ADGRV1: variants seen among roughly 807,000 people sequenced by gnomAD.
ADGRV1 encodes G-protein coupled receptor 98.
Under a neutral mutation model 596.2 loss-of-function variants are expected in ADGRV1, and 359 were observed. The observed-to-expected ratio is 0.60, with a 90% CI of 0.55 to 0.66. ADGRV1 has a LOEUF of 0.66. Among genes scored for constraint, ADGRV1 ranks in the 30% least tolerant of loss-of-function variants. The pLI, the probability that ADGRV1 is intolerant of heterozygous loss-of-function variation, is 0.00. For missense variants in ADGRV1, 7,274 were observed against 7,575.6 expected (o/e 0.96, Z 1.48); for synonymous variants, 2,681 against 2,679.2 (o/e 1.00, Z -0.02).
chr5:90,823,411 T>G lies in ADGRV1; in HGVS notation c.16197-14T>G. On this transcript the variant is annotated splice_polypyrimidine_tract_variant and intron_variant, in intron 75 of 89. Transcript: ENST00000405460. ...CACCCTCTGTTAAGGCATTGGTGGG[T>G]TTCTTGCTCACAGGGCCTTTGAAGA... 1 of 1,612,586 alleles carries G rather than the reference T, an allele frequency of 6.2e-7. No individual in the cohort carries two copies. Among genetic ancestry groups the G allele is most frequent in the Non-Finnish European group, 8.5e-7 (1 of 1,179,494 alleles).
intron 85 of ADGRV1, among the ~76,000 whole-genome samples, chr5:91,062,011 C>T (rs989175249): frequency 4.6e-5 from 7 of 152,212 alleles, no homozygotes; most frequent in East Asian, 1.9e-4. Context: ...CAGGCATTCC[C>T]GTGGATATTC....
chr5:90,750,905 T>C (rs1053856036), intron 53 of ADGRV1, among the ~76,000 whole-genome samples: 3 of 152,198 alleles, frequency 2.0e-5, no homozygotes, highest in African/African-American at 7.2e-5. Flanking sequence ...AAACCAAAAT[T>C]GTCCTTTAAA....
At chr5:91,017,028 G>A (rs748367513) in intron 85 of ADGRV1, among the ~76,000 whole-genome samples, 47 of 151,890 alleles carry the variant, frequency 3.1e-4, no homozygotes, top group Non-Finnish European at 6.5e-4. Context: ...TGAAATCATT[G>A]TTCCATTGCA....
At chr5:90,959,658 A>G (rs1200107726) in intron 83 of ADGRV1, among the ~76,000 whole-genome samples, 1 of 151,668 alleles carries the variant, frequency 6.6e-6, no homozygotes, top group Non-Finnish European at 1.5e-5. Flanking sequence ...TCCCACATAT[A>G]TAGGCAAGTA....
chr5:90,748,798 T>A (rs1290501228), intron 52 of ADGRV1, among the ~76,000 whole-genome samples: 1 of 149,506 alleles, frequency 6.7e-6, no homozygotes, highest in Admixed American at 6.9e-5. Context: ...AATTGCCTAG[T>A]TTGTCTATCA....
intron 77 of ADGRV1, among the ~76,000 whole-genome samples, chr5:90,831,578 T>C (rs569800145): frequency 6.6e-6 from 1 of 152,262 alleles, no homozygotes; most frequent in African/African-American, 2.4e-5. Flanking sequence ...AATTCAATTA[T>C]ACTTTTTTAG....
At chr5:90,742,181 T>A (rs1175607873) in intron 50 of ADGRV1, among the ~76,000 whole-genome samples, 1 of 152,220 alleles carries the variant, frequency 6.6e-6, no homozygotes, top group Non-Finnish European at 1.5e-5. Context: ...AGAGAGATAT[T>A]ATGTATAATC....
chr5:91,033,014 C>A (rs1391372970), intron 85 of ADGRV1, among the ~76,000 whole-genome samples: 2 of 151,952 alleles, frequency 1.3e-5, no homozygotes, highest in Non-Finnish European at 2.9e-5. Flanking sequence ...AATCTAGAGC[C>A]CTGTTAGTTA....
chr5:91,042,225 A>T (rs1785421894), intron 85 of ADGRV1, among the ~76,000 whole-genome samples: 2 of 152,210 alleles, frequency 1.3e-5, no homozygotes, highest in African/African-American at 4.8e-5. Context: ...AATTATCTTT[A>T]TCTTAAATAA....
chr5:90,649,622 G>T (rs1340361185), intron 17 of ADGRV1, among the ~76,000 whole-genome samples: 3 of 152,080 alleles, frequency 2.0e-5, no homozygotes, highest in Non-Finnish European at 1.5e-5. Context: ...CTGAGTAGTT[G>T]GGACTACAGG....
At chr5:90,619,886 A>T (rs565578044) in intron 4 of ADGRV1, among the ~76,000 whole-genome samples, 2 of 151,830 alleles carry the variant, frequency 1.3e-5, no homozygotes, top group Non-Finnish European at 1.5e-5. Context: ...TTTGCTGAGA[A>T]TGATGGTTTC....
chr5:90,825,484 A>G (rs1417110406), intron 76 of ADGRV1, among the ~76,000 whole-genome samples: 1 of 152,232 alleles, frequency 6.6e-6, no homozygotes, highest in Non-Finnish European at 1.5e-5. Context: ...TTTTGCATAC[A>G]TGATTACTAA....
chr5:91,051,074 A>G (rs1178366245), intron 85 of ADGRV1, among the ~76,000 whole-genome samples: 3 of 152,216 alleles, frequency 2.0e-5, no homozygotes, highest in African/African-American at 4.8e-5. Flanking sequence ...TGAAGATTAA[A>G]CTAAAGATTG....
At chr5:90,649,316 A>G (rs990456100) in intron 17 of ADGRV1, among the ~76,000 whole-genome samples, 4 of 151,928 alleles carry the variant, frequency 2.6e-5, no homozygotes, top group Admixed American at 1.3e-4. Flanking sequence ...GAATTTATTT[A>G]CTCTAGAAAT....
At chr5:90,595,120 C>G (rs1160143221) in intron 1 of ADGRV1, among the ~76,000 whole-genome samples, 1 of 130,306 alleles carries the variant, frequency 7.7e-6, no homozygotes, top group Non-Finnish European at 1.6e-5. Flanking sequence ...GGGGCTGACC[C>G]CCCCACCTCC....
At chr5:91,041,874 A>G (rs1364283445) in intron 85 of ADGRV1, among the ~76,000 whole-genome samples, 1 of 152,146 alleles carries the variant, frequency 6.6e-6, no homozygotes, top group Non-Finnish European at 1.5e-5. Flanking sequence ...CAAACTCAAC[A>G]CAGACATTAA....
At chr5:90,665,873 C>G (rs1327373154) in intron 21 of ADGRV1, among the ~76,000 whole-genome samples, 2 of 150,104 alleles carry the variant, frequency 1.3e-5, no homozygotes, top group African/African-American at 4.9e-5. Context: ...CGTTATGTAT[C>G]CAGTAGTCAT....
At chr5:91,141,456 CACTT>C (rs1438107505) in intron 87 of ADGRV1, among the ~76,000 whole-genome samples, 1 of 152,172 alleles carries the variant, frequency 6.6e-6, no homozygotes, top group Non-Finnish European at 1.5e-5. Context: ...AAGATGAACT[CACTT>C]GTTTCCTTTT....
chr5:91,085,108 T>A (rs1486526757), intron 86 of ADGRV1, among the ~76,000 whole-genome samples: 1 of 152,144 alleles, frequency 6.6e-6, no homozygotes, highest in Non-Finnish European at 1.5e-5. Flanking sequence ...AAGGATAGCA[T>A]TAGGAGAAAT....
Sources: allele counts gnomAD v4.1 joint callset (sites outside exome capture counted in the v4.1 genomes callset), GRCh38; gene constraint gnomAD v4.1.1; transcripts MANE v1.5; gene names NCBI Gene and HGNC (gene_info 2026-07-23, HGNC 2026-07-21).